Variants in GPR155 observed in about 807,000 individuals in gnomAD.
GPR155 encodes G protein-coupled receptor 155.
In GPR155, 65 loss-of-function variants were observed where a neutral mutation model predicts 93.1. The observed-to-expected ratio is 0.70, with a 90% CI of 0.57 to 0.86. The LOEUF (loss-of-function observed/expected upper bound fraction) is 0.86, where lower values mean the gene tolerates loss of function less well. Ranked by LOEUF, GPR155 falls within the 40% of genes least tolerant of loss-of-function variation. The probability of loss-of-function intolerance (pLI) is 0.00; values close to 1 mark genes in which losing one functional copy is unlikely to be tolerated. For synonymous variants in GPR155, 319 were observed against 360.1 expected (o/e 0.89, Z 1.29); for missense variants, 838 against 1,034.8 (o/e 0.81, Z 2.61).
At chr2:174,475,782 T>TC (rs1666936024) in intron 2 of GPR155, among the ~76,000 whole-genome samples, 1 of 152,184 alleles carries the variant, frequency 6.6e-6, no homozygotes, top group Admixed American at 6.5e-5. Flanking sequence ...AGAAAGATGT[T>TC]CATACCTGCC....
At chr2:174,474,288 C>G (rs973685198) in intron 2 of GPR155, among the ~76,000 whole-genome samples, 1 of 152,200 alleles carries the variant, frequency 6.6e-6, no homozygotes, top group African/African-American at 2.4e-5. Flanking sequence ...CTACCTTCCA[C>G]TGCTCATGTG....
At chr2:174,479,263 T>C (rs1007151533) in intron 2 of GPR155, among the ~76,000 whole-genome samples, 1 of 152,186 alleles carries the variant, frequency 6.6e-6, no homozygotes, top group Admixed American at 6.5e-5. Context: ...AGATTAACTA[T>C]TCTAATAGGT....
At position 174,433,810 on chromosome 2, in the gene GPR155, T is replaced by A. The variant is rs1043289573; in HGVS notation, c.*2306A>T. On this transcript the variant is annotated 3_prime_UTR_variant, in exon 16 of 16. Transcript: ENST00000392552. ...GCCTCCAAAACTGTGAGAAATAAGT[T>A]TATGTTGTTTATAAGCTATCCAGTT... is the stretch of plus-strand genomic sequence containing the variant. 1 of 152,226 alleles carries A rather than the reference T, an allele frequency of 6.6e-6. No homozygotes were observed. Among genetic ancestry groups the A allele is most frequent in the African/African-American group, 2.4e-5 (1 of 41,454 alleles). 9.4% of individuals were successfully genotyped at this position (152,226 alleles called of 1,614,324 possible). A position where few individuals can be genotyped will look rare whatever the true frequency, so the allele number is the denominator to read the frequency against.
chr2:174,436,906 TACATC>T (rs1686803366), intron 15 of GPR155, among the ~76,000 whole-genome samples: 1 of 152,216 alleles, frequency 6.6e-6, no homozygotes, highest in Non-Finnish European at 1.5e-5. Flanking sequence ...ATGCACTACA[TACATC>T]ATAGTGCCCC....
At chr2:174,476,909 G>T (rs1245488329) in intron 2 of GPR155, among the ~76,000 whole-genome samples, 1 of 151,940 alleles carries the variant, frequency 6.6e-6, no homozygotes, top group Non-Finnish European at 1.5e-5. Flanking sequence ...CCCTCCTCTG[G>T]TATTCTGTAG....
At chr2:174,473,556 C>G (rs1276474109) in intron 2 of GPR155, among the ~76,000 whole-genome samples, 192 bp from the exon 3 acceptor site, 1 of 152,044 alleles carries the variant, frequency 6.6e-6, no homozygotes, top group African/African-American at 2.4e-5. Context: ...TATCATATAG[C>G]TTATAAAATG....
At chr2:174,442,745 A>G (rs1687003834) in intron 13 of GPR155, among the ~76,000 whole-genome samples, 1 of 152,176 alleles carries the variant, frequency 6.6e-6, no homozygotes, top group South Asian at 2.1e-4. Context: ...GGGAGCTGCC[A>G]TCTGTGTCAC....
intron 2 of GPR155, among the ~76,000 whole-genome samples, chr2:174,478,776 C>A (rs375992786): frequency 6.6e-6 from 1 of 151,906 alleles, no homozygotes; most frequent in East Asian, 1.9e-4. Flanking sequence ...TGTCTGTGAG[C>A]AAGAGAGTGG....
rs746931141 is a variant in GPR155 at position 174,481,715 on chromosome 2, G to T, written c.242C>A (p.Ala81Glu). ...GTTTTTGAATAATAAAGCTGGAAGT[G>T]CAAATCTGGAGACAAAATTTCCTAG... is the stretch of plus-strand genomic sequence containing the variant. ...KGLGNFVSRFALPALLFKNMV... is the reference protein window; with the variant it reads ...KGLGNFVSRFELPALLFKNMV... Residue 81 changes from alanine to glutamate, a missense_variant, in exon 2 of 16, where the codon GCA (alanine) becomes GAA (glutamate). By Grantham distance (107) the Ala-to-Glu change is moderately radical. Around this residue, in one of 3 missense-constraint regions of GPR155, gnomAD observed 663 missense variants for 790.1 expected, o/e 0.84. Coordinates refer to ENST00000392552, the MANE Select transcript of GPR155 (RefSeq NM_152529.7). The T allele has an allele frequency of 5.6e-6, 9 of 1,613,950 alleles. No homozygotes were observed. Among genetic ancestry groups the T allele is most frequent in the Non-Finnish European group, 6.8e-6 (8 of 1,179,922 alleles).
chr2:174,473,442 A>G, intron 2 of GPR155, 78 bp from the exon 3 acceptor site: 2 of 951,680 alleles, frequency 2.1e-6, no homozygotes, highest in Non-Finnish European at 3.1e-6. Flanking sequence ...CATTTTCTGT[A>G]CTTTATAGCA....
rs1687135401 is a variant in GPR155, at chr2:174,446,513, T to C, written c.2013+98A>G. Reference sequence around the variant, plus strand: ...TCAGGTGACCTAGCTACCACACTTCTGGAAAGCAGCAACTAAGTTTTTCCC... The same window carrying C: ...TCAGGTGACCTAGCTACCACACTTCCGGAAAGCAGCAACTAAGTTTTTCCC... On this transcript the variant is annotated intron_variant, in intron 12 of 15. Coordinates refer to ENST00000392552, the MANE Select transcript of GPR155 (RefSeq NM_152529.7). 1.1e-5 allele frequency: 12 copies of C among 1,130,698 alleles called. No homozygotes were observed. The Middle Eastern group carries it at 6.1e-4, about 58-fold the overall frequency. 70.0% of individuals were successfully genotyped at this position (1,130,698 alleles called of 1,614,324 possible).
chr2:174,476,772 T>A (rs1688178936), intron 2 of GPR155, among the ~76,000 whole-genome samples: 1 of 152,222 alleles, frequency 6.6e-6, no homozygotes, highest in Non-Finnish European at 1.5e-5. Flanking sequence ...TAGTTCTTTA[T>A]GCTGTTCATA....
chr2:174,475,658 A>C (rs547814715), intron 2 of GPR155, among the ~76,000 whole-genome samples: 1 of 152,328 alleles, frequency 6.6e-6, no homozygotes, highest in East Asian at 1.9e-4. Context: ...ATATAAAGTT[A>C]GTGGTTTTCT....
chr2:174,482,090 T>A, intron 1 of GPR155, 103 bp from the exon 2 acceptor site: 1 of 618,262 alleles, frequency 1.6e-6, no homozygotes, highest in South Asian at 2.0e-5. Context: ...AATGGCCAAA[T>A]AAATATACAT....
At chr2:174,484,178 C>T (rs532601259) in intron 1 of GPR155, among the ~76,000 whole-genome samples, 1 of 152,178 alleles carries the variant, frequency 6.6e-6, no homozygotes, top group Non-Finnish European at 1.5e-5. Context: ...GATTAGATAG[C>T]AGTGGTCAAT....
chr2:174,471,619 A>C (rs1263219091), intron 3 of GPR155, among the ~76,000 whole-genome samples: 1 of 152,130 alleles, frequency 6.6e-6, no homozygotes, highest in East Asian at 1.9e-4. Context: ...TTGAGCAAAT[A>C]GGGCTCTCCT....
In GPR155 at chr2:174,465,784, C is replaced by A. The variant is rs775351016; in HGVS notation, c.1384+1G>T. 7.0e-7 allele frequency: 1 copy of A among 1,430,824 alleles called. No individual in the cohort carries two copies. The highest frequency in any genetic ancestry group is 9.8e-7 in the Non-Finnish European group (1 of 1,015,752). 88.6% of individuals were successfully genotyped at this position (1,430,824 alleles called of 1,614,324 possible). On this transcript the variant is annotated splice_donor_variant, in intron 7 of 15. Coordinates refer to ENST00000392552, the MANE Select transcript of GPR155 (RefSeq NM_152529.7). LOFTEE classifies it high-confidence loss of function. ...CAATTTCCATTCATAATCCAACTCACCTGTCCACAGGTAGGTGCTATAGAG... is the reference window on the plus strand; with the variant it reads ...CAATTTCCATTCATAATCCAACTCAACTGTCCACAGGTAGGTGCTATAGAG...
Position 174,453,800 on chromosome 2 carries a change from G to A in GPR155, c.1813C>T (p.Pro605Ser), listed in dbSNP as rs750882929. 1 of 1,613,730 alleles carries A rather than the reference G, an allele frequency of 6.2e-7. No homozygotes were observed. Reference protein sequence around the residue: ...CSMGNGELHCPSIEPIANTST... With the variant: ...CSMGNGELHCSSIEPIANTST... The stretch of plus-strand genomic sequence containing the variant: ...GTGTTTGCTATTGGCTCTATTGATG[G>A]GCAGTGTAATTCACCATTTCCCATG... The change falls in exon 11 of 16, where the codon CCA (proline) becomes TCA (serine). Residue 605 changes from proline (P) to serine (S), a missense_variant. Coordinates refer to ENST00000392552, the MANE Select transcript of GPR155 (RefSeq NM_152529.7).
intron 15 of GPR155, 65 bp from the exon 16 acceptor site, chr2:174,436,481 G>A: frequency 2.8e-6 from 4 of 1,431,946 alleles, no homozygotes; most frequent in South Asian, 1.3e-5. Context: ...CATGATAGAG[G>A]ACAAGCAAGA....
Sources: allele counts gnomAD v4.1 joint callset (sites outside exome capture counted in the v4.1 genomes callset), GRCh38; gene constraint gnomAD v4.1.1; regional missense constraint gnomAD v4.1.1; transcripts MANE v1.5; gene names NCBI Gene and HGNC (gene_info 2026-07-23, HGNC 2026-07-21).